ZNF461: variants seen among roughly 807,000 people sequenced by gnomAD.
ZNF461 encodes zinc finger protein 461, also known as gonadotropin-inducible ovarian transcription factor-1.
ZNF461 carries 16 observed loss-of-function variants against 18.3 expected under a neutral mutation model. The observed-to-expected ratio is 0.88, with a 90% CI of 0.59 to 1.33. ZNF461 has a LOEUF of 1.33. Among genes scored for constraint, ZNF461 ranks in the 40% most tolerant of loss-of-function variants. The pLI is 0.00. For missense variants in ZNF461, 595 were observed against 669.9 expected, an observed-to-expected ratio of 0.89 and a Z score of 1.23; for synonymous variants, 179 against 216.9, an observed-to-expected ratio of 0.83 and a Z score of 1.54.
chr19:36,639,636 G>A lies in ZNF461; in HGVS notation c.709C>T (p.Gln237Ter), dbSNP rs199616878. The change falls in exon 6 of 6, where the codon CAG becomes TAG. Residue 237 changes from glutamine to a stop codon, truncating the protein, a stop_gained. Coordinates refer to ENST00000588268, the MANE Select transcript of ZNF461 (RefSeq NM_153257.5). LOFTEE classifies it low-confidence loss of function (END_TRUNC). Reference protein sequence around the residue: ...IVNTPCLFKQQTIQNGDKCNE... With the variant: ...IVNTPCLFKQ ...CATTTGTCACCATTTTGAATTGTCTGTTGTTTAAAAAGGCATGGTGTATTA... is the reference window on the plus strand; with the variant it reads ...CATTTGTCACCATTTTGAATTGTCTATTGTTTAAAAAGGCATGGTGTATTA... The A allele has an allele frequency of 9.9e-5, 160 of 1,613,572 alleles. 2 individuals carry two copies. The highest frequency in any genetic ancestry group is 1.3e-4 in the Non-Finnish European group (154 of 1,179,738).
rs775465047 is a variant in ZNF461, at chr19:36,658,352, C to T, written c.83G>A (p.Arg28Lys). 6.2e-7 allele frequency: 1 copy of T among 1,611,208 alleles called. No homozygotes were observed. The highest frequency in any genetic ancestry group is 8.5e-7 in the Non-Finnish European group (1 of 1,178,458). ...EEWECLNPAQ[R>K]NLYKEVMLEN... ...CAACATCACCTCCTTGTACAAATTC[C>T]TCTGCGCTGGGTTCAGGCATTCCCA... Residue 28 changes from arginine to lysine, a missense_variant, in exon 3 of 6, where the codon AGG (arginine) becomes AAG (lysine). Arg to Lys is a conservative substitution (Grantham distance 26). Coordinates refer to ENST00000588268, the MANE Select transcript of ZNF461 (RefSeq NM_153257.5).
At position 36,661,895 on chromosome 19, in the gene ZNF461, C is replaced by T. The variant is rs74343457; in HGVS notation, c.9+2803G>A. Among the ~76,000 whole-genome samples, 1,083 of 152,010 alleles carry T rather than the reference C, an allele frequency of 7.1e-3. 12 individuals are homozygous for T. The highest frequency in any genetic ancestry group is 0.024 in the African/African-American group (1,007 of 41,468). On this transcript the variant is annotated intron_variant, in intron 2 of 5. Transcript: ENST00000588268. ...TTTTTATTTATTTATTTTTTTGAGG[C>T]GGAGTTTCGCTCTTTTGAGGCTGTA... is the stretch of plus-strand genomic sequence containing the variant.
chr19:36,647,119 A>C (rs1291686920), intron 4 of ZNF461, among the ~76,000 whole-genome samples: 2 of 152,240 alleles, frequency 1.3e-5, no homozygotes, highest in Non-Finnish European at 2.9e-5. Context: ...TAGTGCTGCT[A>C]TGAACATTCC....
Position 36,637,900 on chromosome 19 carries a change from G to T in ZNF461, c.*753C>A. 1 of 354,956 alleles carries T rather than the reference G, an allele frequency of 2.8e-6. No individual in the cohort carries two copies. 22.0% of individuals were successfully genotyped at this position (354,956 alleles called of 1,614,324 possible). A position where few individuals can be genotyped will look rare whatever the true frequency, so the allele number is the denominator to read the frequency against. On this transcript the variant is annotated 3_prime_UTR_variant, in exon 6 of 6. Coordinates refer to ENST00000588268, the MANE Select transcript of ZNF461 (RefSeq NM_153257.5). ...GGGGAGAATTAATTTTCACATTTTT[G>T]GTAATTTTTGAATTTTTATAATGTG... is the stretch of plus-strand genomic sequence containing the variant.
intron 4 of ZNF461, among the ~76,000 whole-genome samples, chr19:36,645,620 C>A (rs1209245716): frequency 6.6e-6 from 1 of 152,104 alleles, no homozygotes; most frequent in Non-Finnish European, 1.5e-5. Flanking sequence ...CTAACCTATT[C>A]ATCACCTTAC....
chr19:36,641,554 A>AAT (rs140253443), intron 5 of ZNF461, among the ~76,000 whole-genome samples: 21,580 of 148,256 alleles, frequency 0.15, 2,088 homozygotes, highest in Non-Finnish European at 0.21. Context: ...ATATATATAT[A>AAT]ATATATATAT....
intron 4 of ZNF461, among the ~76,000 whole-genome samples, chr19:36,645,509 T>C (rs1456456430): frequency 1.3e-5 from 2 of 152,198 alleles, no homozygotes; most frequent in African/African-American, 4.8e-5. Context: ...TTTCCCACTT[T>C]ATTGAGGGAA....
intron 4 of ZNF461, among the ~76,000 whole-genome samples, chr19:36,645,698 C>T (rs1197023886): frequency 1.3e-5 from 2 of 152,098 alleles, no homozygotes; most frequent in African/African-American, 4.8e-5. Context: ...TTCAAATATA[C>T]AATACAGTAC....
chr19:36,663,886 G>A (rs1806203111), intron 2 of ZNF461, among the ~76,000 whole-genome samples: 1 of 151,994 alleles, frequency 6.6e-6, no homozygotes, highest in African/African-American at 2.4e-5. Context: ...GCATATATCT[G>A]GGAAGTCTTA....
intron 2 of ZNF461, among the ~76,000 whole-genome samples, chr19:36,661,681 G>A (rs917618653): frequency 6.9e-6 from 1 of 144,536 alleles, no homozygotes; most frequent in Non-Finnish European, 1.5e-5. Flanking sequence ...TAAAATCTGA[G>A]AGAATGTGTC....
Position 36,639,371 on chromosome 19 carries a change from C to T in ZNF461, c.974G>A (p.Gly325Asp). The T allele has an allele frequency of 8.1e-6, 13 of 1,614,040 alleles. No homozygotes were observed. The highest frequency in any genetic ancestry group is 1.1e-5 in the Non-Finnish European group (13 of 1,180,004). The change falls in exon 6 of 6, where the codon GGT becomes GAT. Residue 325 changes from glycine to aspartate, a missense_variant. Gly to Asp is a moderately conservative substitution (Grantham distance 94). Transcript: ENST00000588268. ...TTGCTTACATTCATAGGGTTTTTCA[C>T]CAGTATGAAGTCTCTGATGTTGAGT... The part of the protein sequence containing the change: ...QLTQHQRLHT[G>D]EKPYECKQCG...
chr19:36,647,880 C>G (rs1360468139), intron 4 of ZNF461, among the ~76,000 whole-genome samples: 1 of 152,008 alleles, frequency 6.6e-6, no homozygotes, highest in Non-Finnish European at 1.5e-5. Flanking sequence ...CTCATGATAT[C>G]TGGTCCTTGA....
rs1235527164 is a variant in ZNF461, at chr19:36,638,879, C to A, written c.1466G>T (p.Arg489Ile). 7.5e-6 allele frequency: 12 copies of A among 1,605,342 alleles called. No individual in the cohort carries two copies. The highest frequency in any genetic ancestry group is 9.4e-6 in the Non-Finnish European group (11 of 1,174,586). The change falls in exon 6 of 6, where the codon AGA (arginine) becomes ATA (isoleucine). Residue 489 changes from arginine to isoleucine, a missense_variant. Physicochemically the swap from Arg to Ile is moderately conservative, Grantham distance 97. Coordinates refer to ENST00000588268, the MANE Select transcript of ZNF461 (RefSeq NM_153257.5). ...RLHSHLIQHQRIHTGEKPYEC... is the reference protein window; with the variant it reads ...RLHSHLIQHQIIHTGEKPYEC... ...ATAGGGTTTCTCACCAGTATGAATTCTTTGATGTTGAATAAGGTGTGAATG... is the reference window on the plus strand; with the variant it reads ...ATAGGGTTTCTCACCAGTATGAATTATTTGATGTTGAATAAGGTGTGAATG...
chr19:36,651,327 G>C (rs2037623613), intron 4 of ZNF461, among the ~76,000 whole-genome samples: 1 of 151,500 alleles, frequency 6.6e-6, no homozygotes, highest in South Asian at 2.1e-4. Context: ...GGAAAACACA[G>C]GATGTCCACT....
chr19:36,665,438 C>A (rs978363267), intron 1 of ZNF461, among the ~76,000 whole-genome samples: 1 of 152,132 alleles, frequency 6.6e-6, no homozygotes, highest in Non-Finnish European at 1.5e-5. Flanking sequence ...AGGCCGGGCG[C>A]GGTGGCTCAC....
intron 3 of ZNF461, 168 bp downstream of exon 3, chr19:36,658,131 C>A: frequency 3.2e-6 from 2 of 621,276 alleles, no homozygotes; most frequent in Non-Finnish European, 2.7e-6. Context: ...GAAAATGTAC[C>A]TCCATTTAGC....
At position 36,638,474 on chromosome 19, in the gene ZNF461, A is replaced by T. The variant is rs1186924076; in HGVS notation, c.*179T>A. On this transcript the variant is annotated 3_prime_UTR_variant, in exon 6 of 6. Transcript: ENST00000588268. ...ATTTATTCTCAATAATGGTTAATAC[A>T]ATAACTCAGAAACAGCATTAAAATG... 1.6e-5 allele frequency: 8 copies of T among 502,264 alleles called. No individual in the cohort carries two copies. The East Asian group carries it at 2.4e-4, about 15-fold the overall frequency. 31.1% of individuals were successfully genotyped at this position (502,264 alleles called of 1,614,324 possible). A position where few individuals can be genotyped will look rare whatever the true frequency, so the allele number is the denominator to read the frequency against.
intron 2 of ZNF461, among the ~76,000 whole-genome samples, chr19:36,660,148 CTTTTTTTTTTT>C (rs35264079): frequency 8.4e-6 from 1 of 118,544 alleles, no homozygotes; most frequent in Admixed American, 8.8e-5. Flanking sequence ...TCTCTAAAAT[CTTTTTTTTTTT>C]TTTTTTTTTT....
At chr19:36,653,672 T>A (rs950777397) in intron 4 of ZNF461, among the ~76,000 whole-genome samples, 1 of 152,158 alleles carries the variant, frequency 6.6e-6, no homozygotes, top group African/African-American at 2.4e-5. Context: ...TGACACTTAT[T>A]CACTACCACG....
Sources: gnomAD v4.1 joint callset for allele counts (sites outside exome capture counted in the v4.1 genomes callset) on GRCh38, gnomAD v4.1.1 for gene constraint, MANE v1.5 for transcripts, NCBI Gene and HGNC (gene_info 2026-07-23, HGNC 2026-07-21) for gene names.